Variants in SOS1 observed in about 807,000 individuals in gnomAD.
SOS1 encodes the protein son of sevenless homolog 1.
A neutral mutation model predicts 157.6 loss-of-function variants in SOS1; 25 were observed. The observed-to-expected ratio is 0.16, with a 90% confidence interval of 0.12 to 0.22. The LOEUF is 0.22. SOS1 is among the 10% of genes least tolerant of loss of function. SOS1 has a pLI of 1.00. For synonymous variants in SOS1, 528 were observed against 534.0 expected (o/e 0.99, Z 0.16); for missense variants, 1,237 against 1,599.1 (o/e 0.77, Z 3.86).
At chr2:39,115,117 C>T (rs945036049) in intron 1 of SOS1, among the ~76,000 whole-genome samples, 1 of 152,078 alleles carries the variant, frequency 6.6e-6, no homozygotes, top group African/African-American at 2.4e-5. Context: ...TTTTAAAATA[C>T]CTTCATTGAG....
chr2:38,987,794 A>G, intron 21 of SOS1: 1 of 537,018 alleles, frequency 1.9e-6, no homozygotes, highest in Admixed American at 3.1e-5. Context: ...CAGAATATTT[A>G]GAAAAAAGCT....
chr2:39,010,784 A>G (rs2124511744), intron 14 of SOS1, 81 bp from the exon 15 acceptor site: 1 of 1,166,912 alleles, frequency 8.6e-7, no homozygotes, highest in South Asian at 1.3e-5. Flanking sequence ...GGAGACAAAT[A>G]AAAACTAAAC....
At position 39,039,843 on chromosome 2, in the gene SOS1, T is replaced by C. The variant is rs143152598; in HGVS notation, c.865-4343A>G. Among the ~76,000 whole-genome samples, 1,231 of 152,262 alleles carry C rather than the reference T, an allele frequency of 8.1e-3. 6 individuals are homozygous for C. Among genetic ancestry groups the C allele is most frequent in the Middle Eastern group, 0.014 (4 of 294 alleles). On this transcript the variant is annotated intron_variant, in intron 6 of 22. Transcript: ENST00000402219. ...CCCAATCCCCTAAACCCCTCAGCCCTAGGCAACCATAAATCTACTTTTTGT... is the reference window on the plus strand; with the variant it reads ...CCCAATCCCCTAAACCCCTCAGCCCCAGGCAACCATAAATCTACTTTTTGT...
rs564480241 is a variant in SOS1 at position 39,117,186 on chromosome 2, G to T, written c.87+3150C>A. 2.6e-5 allele frequency among the ~76,000 whole-genome samples: 4 copies of T among 152,070 alleles called. No individual in the cohort carries two copies. The South Asian group carries it at 8.3e-4, about 32-fold the overall frequency. On this transcript the variant is annotated intron_variant, in intron 1 of 22. Transcript: ENST00000402219. ...TGGGATTACAGGTGCCCACCACCACGCCAGGCTAATTTTTGTATTTTTTAG... is the reference window on the plus strand; with the variant it reads ...TGGGATTACAGGTGCCCACCACCACTCCAGGCTAATTTTTGTATTTTTTAG...
At chr2:38,989,410 A>G in intron 20 of SOS1, 96 bp from the exon 21 acceptor site, 1 of 792,814 alleles carries the variant, frequency 1.3e-6, no homozygotes, top group East Asian at 2.6e-5. Context: ...TGTTATTGTC[A>G]TTGTCGTTTT....
intron 6 of SOS1, among the ~76,000 whole-genome samples, chr2:39,044,094 C>T (rs928818130): frequency 1.3e-5 from 2 of 152,148 alleles, no homozygotes; most frequent in African/African-American, 4.8e-5. Flanking sequence ...CGGTGGCTCA[C>T]GTATGTAATA....
In SOS1 at chr2:39,120,551, CCG is replaced by C; in HGVS notation, c.-131_-130del. ...CGGACGGCCCGGCCCCCTCCGGGCG[CCG>C]CGCAGCCGGGCTAGCCCTGGCGAGG... is the stretch of plus-strand genomic sequence containing the variant. On this transcript the variant is annotated 5_prime_UTR_variant, in exon 1 of 23. Transcript: ENST00000402219. 1 of 1,046,766 alleles carries C rather than the reference CCG, an allele frequency of 9.6e-7. No individual in the cohort carries two copies. The highest frequency in any genetic ancestry group is 1.2e-6 in the Non-Finnish European group (1 of 866,948). The allele number at this position is 1,046,766 out of a possible 1,614,324, so 64.8% of individuals were successfully genotyped here.
chr2:39,010,274 C>T (rs985236395), intron 15 of SOS1, among the ~76,000 whole-genome samples: 3 of 151,088 alleles, frequency 2.0e-5, no homozygotes, highest in Non-Finnish European at 3.0e-5. Context: ...TGAGATCACA[C>T]CACTGCACTC....
At chr2:39,040,419 C>A (rs1332712282) in intron 6 of SOS1, among the ~76,000 whole-genome samples, 1 of 152,094 alleles carries the variant, frequency 6.6e-6, no homozygotes, top group Non-Finnish European at 1.5e-5. Context: ...TGCAACGGTC[C>A]ATTTCCAGAT....
intron 10 of SOS1, among the ~76,000 whole-genome samples, chr2:39,016,037 G>A (rs571921636): frequency 1.3e-5 from 2 of 151,866 alleles, no homozygotes; most frequent in East Asian, 3.9e-4. Flanking sequence ...TATTTGTTTG[G>A]AAAATTTTCA....
chr2:39,002,871 C>G (rs1669150277), intron 17 of SOS1, among the ~76,000 whole-genome samples: 2 of 151,966 alleles, frequency 1.3e-5, no homozygotes, highest in African/African-American at 4.8e-5. Flanking sequence ...TCGAGACCAG[C>G]CTGGGCAACC....
In SOS1 at chr2:38,982,289, A is replaced by C. The variant is rs1668423472; in HGVS notation, c.*3535T>G. On this transcript the variant is annotated 3_prime_UTR_variant, in exon 23 of 23. Transcript: ENST00000402219. ...ACAAGTGCTTTTGTTGTTTAGATTT[A>C]TAATATAGACTTCATGCTTCTTAAG... is the stretch of plus-strand genomic sequence containing the variant. The C allele has an allele frequency of 6.6e-6, 1 of 152,212 alleles. No homozygotes were observed. Among genetic ancestry groups the C allele is most frequent in the Non-Finnish European group, 1.5e-5 (1 of 68,036 alleles). 9.4% of individuals were successfully genotyped at this position (152,212 alleles called of 1,614,324 possible).
chr2:39,105,022 A>T (rs570999059), intron 1 of SOS1, among the ~76,000 whole-genome samples: 1 of 152,280 alleles, frequency 6.6e-6, no homozygotes, highest in East Asian at 1.9e-4. Context: ...AATATATTTC[A>T]CCACAATAAA....
At chr2:39,051,530 C>G (rs1671016725) in intron 5 of SOS1, among the ~76,000 whole-genome samples, 1 of 152,158 alleles carries the variant, frequency 6.6e-6, no homozygotes. Flanking sequence ...GACTCCTTCA[C>G]ACTCTTAAAA....
At chr2:39,104,111 G>A (rs1005103052) in intron 1 of SOS1, among the ~76,000 whole-genome samples, 17 of 152,090 alleles carry the variant, frequency 1.1e-4, no homozygotes, top group African/African-American at 1.9e-4. Context: ...GTGAAACCCC[G>A]TCTCTATTAA....
intron 8 of SOS1, among the ~76,000 whole-genome samples, chr2:39,028,848 A>G (rs951938350): frequency 6.6e-6 from 1 of 152,204 alleles, no homozygotes; most frequent in Non-Finnish European, 1.5e-5. Context: ...ACAAGCAAAG[A>G]TTAGGTTCAC....
At chr2:38,995,097 A>C in intron 20 of SOS1, 26 bp downstream of exon 20, 1 of 1,602,458 alleles carries the variant, frequency 6.2e-7, no homozygotes, top group Non-Finnish European at 8.5e-7. Context: ...CAAATACCTT[A>C]ATGCACTTAG....
intron 10 of SOS1, 174 bp downstream of exon 10, chr2:39,022,396 T>C (rs1489415676): frequency 3.2e-6 from 2 of 624,162 alleles, no homozygotes; most frequent in Non-Finnish European, 5.7e-6. Context: ...TATTTAAGTG[T>C]AGTAGAAAAA....
At chr2:39,112,479 T>C (rs1673476841) in intron 1 of SOS1, among the ~76,000 whole-genome samples, 1 of 152,132 alleles carries the variant, frequency 6.6e-6, no homozygotes, top group African/African-American at 2.4e-5. Context: ...TTGTTTTGTT[T>C]TTTGGTAGAG....
Sources: allele counts gnomAD v4.1 joint callset (sites outside exome capture counted in the v4.1 genomes callset), GRCh38; gene constraint gnomAD v4.1.1; transcripts MANE v1.5; gene names NCBI Gene and HGNC (gene_info 2026-07-23, HGNC 2026-07-21).